Variants in SLC12A7 observed in about 807,000 individuals in gnomAD.
SLC12A7 encodes solute carrier family 12 member 7.
In SLC12A7, 100 loss-of-function variants were observed where a neutral mutation model predicts 120.6. The ratio of observed to expected loss-of-function variants is 0.83; its 90% CI spans 0.71 to 0.98. The LOEUF is 0.98. Among genes scored for constraint, SLC12A7 ranks in the 50% least tolerant of loss-of-function variants. The probability of loss-of-function intolerance (pLI) is 0.00; values close to 1 mark genes in which losing one functional copy is unlikely to be tolerated. For missense variants in SLC12A7, 1,373 were observed against 1,548.1 expected (o/e 0.89, Z 1.90); for synonymous variants, 760 against 678.0 (o/e 1.12, Z -1.88).
intron 17 of SLC12A7, 90 bp downstream of exon 17, chr5:1,073,543 T>TGACAC: frequency 1.5e-6 from 2 of 1,378,406 alleles, no homozygotes; most frequent in Non-Finnish European, 2.0e-6. Context: ...AGCACCGTGT[T>TGACAC]GACACGCTGC....
At chr5:1,104,634 C>T (rs1742327849) in intron 1 of SLC12A7, among the ~76,000 whole-genome samples, 1 of 151,444 alleles carries the variant, frequency 6.6e-6, no homozygotes, top group Non-Finnish European at 1.5e-5. Context: ...CCACTCTCAT[C>T]CCGGACCCCA....
intron 22 of SLC12A7, chr5:1,057,130 G>A (rs1263964968): frequency 4.0e-6 from 1 of 248,926 alleles, no homozygotes; most frequent in Non-Finnish European, 7.6e-6. Context: ...CCCACCCTAG[G>A]TCCTACAAGG....
Position 1,081,614 on chromosome 5 carries a change from G to A in SLC12A7, c.1260C>T (p.Phe420=). The A allele has an allele frequency of 1.2e-6, 2 of 1,610,588 alleles. No individual in the cohort carries two copies. The highest frequency in any genetic ancestry group is 1.3e-5 in the African/African-American group (1 of 75,044). ...GGAAGTAGATGCCAACCAGCAGGGTGAAGGAGGCCGCGATGTCGGTGAGCA... is the reference window on the plus strand; with the variant it reads ...GGAAGTAGATGCCAACCAGCAGGGTAAAGGAGGCCGCGATGTCGGTGAGCA... ...PYVLTDIAAS[F]TLLVGIYFPS... is the part of the protein sequence containing the mutation. The change falls in exon 9 of 24, where the codon TTC becomes TTT. Residue 420 remains phenylalanine (F), a synonymous_variant. Coordinates refer to ENST00000264930, the MANE Select transcript of SLC12A7 (RefSeq NM_006598.3).
chr5:1,064,878 C>T (rs1736810385), intron 18 of SLC12A7, among the ~76,000 whole-genome samples: 1 of 129,418 alleles, frequency 7.7e-6, no homozygotes, highest in Admixed American at 7.8e-5. Flanking sequence ...AGCGAGGGGA[C>T]GGCGAGGAGA....
chr5:1,151,515 A>G, the SLC12A7 span, among the ~76,000 whole-genome samples: 1,040 of 151,714 alleles, frequency 6.9e-3, 14 homozygotes, highest in African/African-American at 0.023. This position sits in a 1 kb window ranked among gnomAD's most constrained non-coding sequence, Gnocchi z 6.2. Flanking sequence ...TGATGGCCCC[A>G]CCAGCCATAA....
At chr5:1,075,545 T>C in intron 14 of SLC12A7, 55 bp from the exon 15 acceptor site, 3 of 1,572,254 alleles carry the variant, frequency 1.9e-6, no homozygotes, top group Non-Finnish European at 2.6e-6. Context: ...CCCCCACACC[T>C]CAGCCACCAC....
intron 7 of SLC12A7, among the ~76,000 whole-genome samples, chr5:1,084,262 G>A (rs10474882): frequency 0.78 from 118,853 of 152,162 alleles, 47,004 homozygotes; most frequent in Non-Finnish European, 0.84. Context: ...TCGGCCACCC[G>A]TGGTCCAAAC....
chr5:1,116,339 G>A (rs1014625244), upstream of SLC12A7, among the ~76,000 whole-genome samples: 6 of 152,228 alleles, frequency 3.9e-5, no homozygotes, highest in African/African-American at 1.4e-4. Context: ...GCCTGGCCTG[G>A]CGCTGGGGAG....
At position 1,073,926 on chromosome 5, in the gene SLC12A7, G is replaced by C. The variant is rs778381414; in HGVS notation, c.2073-125C>G. On this transcript the variant is annotated intron_variant, in intron 16 of 23. Coordinates refer to ENST00000264930, the MANE Select transcript of SLC12A7 (RefSeq NM_006598.3). ...GTGGGACGGGAGATACATGACAGGCGGGACAGGGGACAAAAGGGGCAGGTG... is the reference window on the plus strand; with the variant it reads ...GTGGGACGGGAGATACATGACAGGCCGGACAGGGGACAAAAGGGGCAGGTG... 10 of 919,164 alleles carry C rather than the reference G, an allele frequency of 1.1e-5. No individual in the cohort carries two copies. In the South Asian group the frequency reaches 4.0e-4, roughly 37 times the overall value. 56.9% of individuals were successfully genotyped at this position (919,164 alleles called of 1,614,324 possible). A position where few individuals can be genotyped will look rare whatever the true frequency, so the allele number is the denominator to read the frequency against.
the SLC12A7 span, among the ~76,000 whole-genome samples, chr5:1,145,454 G>C: frequency 6.6e-6 from 1 of 152,232 alleles, no homozygotes; most frequent in East Asian, 1.9e-4. This position sits in a 1 kb window ranked among gnomAD's most constrained non-coding sequence, Gnocchi z 4.4. Flanking sequence ...AGCCATCGGA[G>C]GCTGCAGGCT....
Position 1,067,584 on chromosome 5 carries a change from G to A in SLC12A7, c.2242-2106C>T, listed in dbSNP as rs3789200. Among the ~76,000 whole-genome samples, 4 of 152,354 alleles carry A rather than the reference G, an allele frequency of 2.6e-5. No individual in the cohort carries two copies. In the East Asian group the frequency reaches 7.7e-4, roughly 29 times the overall value. On this transcript the variant is annotated intron_variant, in intron 17 of 23. Transcript: ENST00000264930. The stretch of plus-strand genomic sequence containing the variant: ...CAAGTTTGGATGCAGCCACTGGAGG[G>A]GCCCTGAGGGCCTCCAAGTGCTGGA...
At chr5:1,104,655 C>T (rs547974325) in intron 1 of SLC12A7, among the ~76,000 whole-genome samples, 3 of 125,182 alleles carry the variant, frequency 2.4e-5, no homozygotes, top group Non-Finnish European at 5.0e-5. Context: ...GGACCACTCC[C>T]CACAGAGCCG....
chr5:1,147,250 A>ACCCCCCCCCC, the SLC12A7 span, among the ~76,000 whole-genome samples: 5 of 108,684 alleles, frequency 4.6e-5, no homozygotes, highest in Admixed American at 9.3e-5. Flanking sequence ...CCACCCCGCC[A>ACCCCCCCCCC]CCCCCCCCGC....
intron 1 of SLC12A7, among the ~76,000 whole-genome samples, chr5:1,098,454 A>G (rs188009300): frequency 7.0e-4 from 1 of 1,426 alleles, no homozygotes. Flanking sequence ...CCCTCTGCAC[A>G]CCCAGCCCCC....
chr5:1,087,148 T>G (rs1739956684), intron 5 of SLC12A7, 115 bp from the exon 6 acceptor site: 1 of 1,351,746 alleles, frequency 7.4e-7, no homozygotes, highest in Non-Finnish European at 9.9e-7. Flanking sequence ...GAAGGCAGCG[T>G]GTAGACCCTC....
chr5:1,137,474 G>A, the SLC12A7 span, among the ~76,000 whole-genome samples: 1 of 152,160 alleles, frequency 6.6e-6, no homozygotes, highest in Non-Finnish European at 1.5e-5. Flanking sequence ...GGTCCCCACT[G>A]CTAGAAGACC....
chr5:1,075,351 G>T lies in SLC12A7; in HGVS notation c.1967+20C>A. ...GCCCTCCCGTGCGCCGGGTCTGTAA[G>T]GGGGGCTGACAGCGCTTACCCGCGG... On this transcript the variant is annotated intron_variant, in intron 15 of 23. Coordinates refer to ENST00000264930, the MANE Select transcript of SLC12A7 (RefSeq NM_006598.3). 6.2e-7 allele frequency: 1 copy of T among 1,605,320 alleles called. No individual in the cohort carries two copies. Among genetic ancestry groups the T allele is most frequent in the South Asian group, 1.1e-5 (1 of 90,848 alleles).
At chr5:1,073,374 C>A (rs1737918473) in intron 17 of SLC12A7, among the ~76,000 whole-genome samples, 1 of 152,202 alleles carries the variant, frequency 6.6e-6, no homozygotes, top group African/African-American at 2.4e-5. Context: ...ACGGGGCTCA[C>A]CCATGGCGGG....
At chr5:1,120,877 G>A in the SLC12A7 span, among the ~76,000 whole-genome samples, 4 of 152,214 alleles carry the variant, frequency 2.6e-5, no homozygotes, top group African/African-American at 9.6e-5. Flanking sequence ...CAGCAGAGAC[G>A]GCTTCCAGGG....
Sources: allele counts gnomAD v4.1 joint callset (sites outside exome capture counted in the v4.1 genomes callset), GRCh38; gene constraint gnomAD v4.1.1; non-coding constraint Gnocchi (gnomAD v3.1); transcripts MANE v1.5; gene names NCBI Gene and HGNC (gene_info 2026-07-23, HGNC 2026-07-21).